The following MYOF variants were observed in gnomAD, a reference collection of about 807,000 sequenced individuals.
MYOF encodes fer-1-like 3, myoferlin.
Under a neutral mutation model 284.2 loss-of-function variants are expected in MYOF, and 244 were observed. The ratio of observed to expected loss-of-function variants is 0.86; its 90% CI spans 0.77 to 0.95. The LOEUF (loss-of-function observed/expected upper bound fraction) is 0.95. Among genes scored for constraint, MYOF ranks in the 40% least tolerant of loss-of-function variants. MYOF has a pLI of 0.00. For synonymous variants in MYOF, 904 were observed against 919.7 expected (o/e 0.98, Z 0.31); for missense variants, 2,496 against 2,560.6 (o/e 0.97, Z 0.54).
At chr10:93,469,122 A>G (rs2057078715) in intron 1 of MYOF, among the ~76,000 whole-genome samples, 1 of 152,164 alleles carries the variant, frequency 6.6e-6, no homozygotes, top group African/African-American at 2.4e-5. Flanking sequence ...CCCATGAGCC[A>G]GGTATGGTGG....
chr10:93,356,521 C>G (rs1232666004), intron 30 of MYOF, among the ~76,000 whole-genome samples, 154 bp downstream of exon 30: 1 of 152,190 alleles, frequency 6.6e-6, no homozygotes, highest in Admixed American at 6.5e-5. Context: ...GTATTGAGCA[C>G]CCAGGATGTG....
chr10:93,478,830 A>AT, intron 1 of MYOF, among the ~76,000 whole-genome samples: 1 of 105,198 alleles, frequency 9.5e-6, no homozygotes, highest in South Asian at 3.7e-4. Flanking sequence ...AGTCTCAAAA[A>AT]AAAAAAAAAA....
Position 93,396,230 on chromosome 10 carries a change from T to G in MYOF, c.1335-6A>C, listed in dbSNP as rs755087469. 4 of 1,561,996 alleles carry G rather than the reference T, an allele frequency of 2.6e-6. No homozygotes were observed. In the African/African-American group the frequency reaches 5.5e-5, roughly 22 times the overall value. On this transcript the variant is annotated splice_region_variant and splice_polypyrimidine_tract_variant and intron_variant, in intron 15 of 53. Coordinates refer to ENST00000359263, the MANE Select transcript of MYOF (RefSeq NM_013451.4). The stretch of plus-strand genomic sequence containing the variant: ...CATTTTTAGTAAGACGGTCCCTGTG[T>G]AAAAAATAAAAATAAAAAAATAAAA...
At chr10:93,418,132 G>A (rs1157181110) in intron 5 of MYOF, among the ~76,000 whole-genome samples, 1 of 152,156 alleles carries the variant, frequency 6.6e-6, no homozygotes, top group African/African-American at 2.4e-5. Flanking sequence ...TGCTTTTCAA[G>A]ATGAAGTCTT....
intron 22 of MYOF, among the ~76,000 whole-genome samples, chr10:93,376,979 C>T (rs1226304446): frequency 6.6e-6 from 1 of 152,178 alleles, no homozygotes; most frequent in Non-Finnish European, 1.5e-5. Flanking sequence ...AGAAGTCACC[C>T]TTCTCCAGGG....
chr10:93,377,708 C>A lies in MYOF; in HGVS notation c.2002-279G>T, dbSNP rs11187404. 0.43 allele frequency among the ~76,000 whole-genome samples: 64,352 copies of A among 150,858 alleles called. 15,742 individuals are homozygous for A. The highest frequency in any genetic ancestry group is 0.86 in the East Asian group (4,442 of 5,172). On this transcript the variant is annotated intron_variant, in intron 21 of 53. Transcript: ENST00000359263. Reference sequence around the variant, plus strand: ...TGACTATGTACACTTTGTTAAAAGGCAGAAAAAAAAAACCCATAAACATAT... The same window carrying A: ...TGACTATGTACACTTTGTTAAAAGGAAGAAAAAAAAAACCCATAAACATAT...
chr10:93,307,371 C>T (rs1842157883), intron 53 of MYOF, among the ~76,000 whole-genome samples: 1 of 152,130 alleles, frequency 6.6e-6, no homozygotes, highest in Admixed American at 6.5e-5. Context: ...TCTCGGCTCA[C>T]TGCAACCTCC....
At chr10:93,397,161 C>T (rs1847056689) in intron 15 of MYOF, 86 bp downstream of exon 15, 1 of 1,208,264 alleles carries the variant, frequency 8.3e-7, no homozygotes, top group African/African-American at 1.6e-5. Flanking sequence ...AAGCAAAATA[C>T]CAGAAAGAGA....
chr10:93,313,096 G>C lies in MYOF; in HGVS notation c.5813C>G (p.Ala1938Gly), dbSNP rs764412531. 5 of 1,614,074 alleles carry C rather than the reference G, an allele frequency of 3.1e-6. No individual in the cohort carries two copies. The South Asian group carries it at 5.5e-5, about 18-fold the overall frequency. Residue 1938 changes from alanine (A) to glycine (G), a missense_variant, in exon 51 of 54, where the codon GCC becomes GGC. This residue lies in a region of MYOF where 2,436 missense variants were observed against 2,480.7 expected (regional missense o/e 0.98). Transcript: ENST00000359263. The stretch of plus-strand genomic sequence containing the variant: ...CATGGACTTCTGCTCAAAGAGGGAG[G>C]CTGTCTTGGCTTTAAGGGGGTTCAT... ...KAMNPLKAKT[A>G]SLFEQKSMKG...
chr10:93,378,693 G>GTGTGTGTATGTA, intron 21 of MYOF, among the ~76,000 whole-genome samples: 1 of 87,894 alleles, frequency 1.1e-5, no homozygotes, highest in East Asian at 8.1e-4. Flanking sequence ...GTGTGTGTGT[G>GTGTGTGTATGTA]TATATATATA....
chr10:93,457,088 A>G lies in MYOF; in HGVS notation c.89-151T>C. 7 of 592,792 alleles carry G rather than the reference A, an allele frequency of 1.2e-5. No homozygotes were observed. The South Asian group carries it at 1.6e-4, about 14-fold the overall frequency. 36.7% of individuals were successfully genotyped at this position (592,792 alleles called of 1,614,324 possible). A position where few individuals can be genotyped will look rare whatever the true frequency, so the allele number is the denominator to read the frequency against. On this transcript the variant is annotated intron_variant, in intron 1 of 53. Coordinates refer to ENST00000359263, the MANE Select transcript of MYOF (RefSeq NM_013451.4). The stretch of plus-strand genomic sequence containing the variant: ...TAGGATGGGTGTTTACCTGAATCAC[A>G]GTTTTCCAAATGAAATGGCATTTTT...
chr10:93,474,703 A>T (rs942281129), intron 1 of MYOF, among the ~76,000 whole-genome samples: 2 of 152,152 alleles, frequency 1.3e-5, no homozygotes, highest in Non-Finnish European at 2.9e-5. Context: ...TTAATCCTCA[A>T]ACAGCCCTGC....
At chr10:93,476,747 A>G (rs557583189) in intron 1 of MYOF, among the ~76,000 whole-genome samples, 1 of 152,178 alleles carries the variant, frequency 6.6e-6, no homozygotes, top group Non-Finnish European at 1.5e-5. Flanking sequence ...TTTGCTCAAG[A>G]CTACAAAGTT....
At chr10:93,363,471 G>T (rs539109188) in intron 27 of MYOF, among the ~76,000 whole-genome samples, 7 of 152,282 alleles carry the variant, frequency 4.6e-5, no homozygotes, top group Non-Finnish European at 1.0e-4. Context: ...TTCAAGACCC[G>T]CATGGGCAAC....
At chr10:93,354,702 T>TC (rs1491377561) in intron 31 of MYOF, among the ~76,000 whole-genome samples, 4,811 of 149,534 alleles carry the variant, frequency 0.032, 306 homozygotes, top group African/African-American at 0.11. Flanking sequence ...TCTCTCTCTC[T>TC]TTGTGAGATA....
chr10:93,358,627 G>A (rs1016200485), intron 29 of MYOF, among the ~76,000 whole-genome samples: 29 of 152,210 alleles, frequency 1.9e-4, no homozygotes, highest in Admixed American at 5.2e-4. Context: ...CCATAAAAAG[G>A]AACGAGATCA....
At position 93,434,232 on chromosome 10, in the gene MYOF, ACCAGC is replaced by A. The variant is rs1849004301; in HGVS notation, c.237-2721_237-2717del. 9.2e-5 allele frequency among the ~76,000 whole-genome samples: 14 copies of A among 152,170 alleles called. No individual in the cohort carries two copies. The South Asian group carries it at 2.9e-3, about 32-fold the overall frequency. On this transcript the variant is annotated intron_variant, in intron 3 of 53. Coordinates refer to ENST00000359263, the MANE Select transcript of MYOF (RefSeq NM_013451.4). ...GATCACTTGAGGCCAGGAGTTCAAG[ACCAGC>A]CTGGCCAACATGGTGAAACCCCGTC...
Position 93,431,507 on chromosome 10 carries a change from G to A in MYOF, c.246C>T (p.Gly82=), listed in dbSNP as rs200611039. 692 of 1,613,538 alleles carry A rather than the reference G, an allele frequency of 4.3e-4. 2 individuals are homozygous for A. The highest frequency in any genetic ancestry group is 1.8e-3 in the Middle Eastern group (11 of 6,062). The change falls in exon 4 of 54, where the codon GGC becomes GGT. Residue 82 remains glycine (G), a synonymous_variant. Transcript: ENST00000359263. ...GGTCCTTCAGGGCTACAGTCGCCGT[G>A]CCAATTAATCTGCAGGGAAAACAGG... is the stretch of plus-strand genomic sequence containing the variant. ...FETIGQNKLI[G]TATVALKDLT...
intron 17 of MYOF, among the ~76,000 whole-genome samples, chr10:93,390,320 T>C (rs757421598): frequency 3.9e-5 from 6 of 152,092 alleles, no homozygotes; most frequent in South Asian, 2.1e-4. Flanking sequence ...ACAGAAATCA[T>C]GGACACAGGC....
Sources: allele counts gnomAD v4.1 joint callset (sites outside exome capture counted in the v4.1 genomes callset), GRCh38; gene constraint gnomAD v4.1.1; regional missense constraint gnomAD v4.1.1; transcripts MANE v1.5; gene names NCBI Gene and HGNC (gene_info 2026-07-23, HGNC 2026-07-21).